TAFA1: variants seen among roughly 807,000 people sequenced by gnomAD.
TAFA1 encodes the protein TAFA chemokine like family member 1.
TAFA1 carries 4 observed loss-of-function variants against 18.5 expected under a neutral mutation model. The ratio of observed to expected loss-of-function variants is 0.22; its 90% CI spans 0.11 to 0.49. The LOEUF (loss-of-function observed/expected upper bound fraction) is 0.49, where lower values mean the gene tolerates loss of function less well. Among genes scored for constraint, TAFA1 ranks in the 20% least tolerant of loss-of-function variants. The pLI is 0.98. For synonymous variants in TAFA1, 56 were observed against 55.2 expected, an observed-to-expected ratio of 1.01 and a Z score of -0.06; for missense variants, 147 against 169.0, an observed-to-expected ratio of 0.87 and a Z score of 0.72.
intron 4 of TAFA1, among the ~76,000 whole-genome samples, chr3:68,543,445 A>G (rs2073409782): frequency 6.6e-6 from 1 of 152,136 alleles, no homozygotes; most frequent in Non-Finnish European, 1.5e-5. Flanking sequence ...TAGTGAGAAA[A>G]TCAACAGTTA....
At chr3:68,439,241 C>T (rs1176771018) in intron 3 of TAFA1, among the ~76,000 whole-genome samples, 1 of 151,210 alleles carries the variant, frequency 6.6e-6, no homozygotes, top group African/African-American at 2.4e-5. Flanking sequence ...TTATTCTTTT[C>T]CTCCCAAATC....
At chr3:68,419,202 T>C (rs1452369429) in intron 3 of TAFA1, among the ~76,000 whole-genome samples, 2 of 152,184 alleles carry the variant, frequency 1.3e-5, no homozygotes, top group Non-Finnish European at 2.9e-5. Context: ...TTCCACAATA[T>C]CCTACAGGTT....
At chr3:68,088,690 AAAC>A (rs143282555) in intron 2 of TAFA1, among the ~76,000 whole-genome samples, 12 of 152,346 alleles carry the variant, frequency 7.9e-5, no homozygotes, top group Non-Finnish European at 1.8e-4. Flanking sequence ...AGGGATGGCA[AAAC>A]AACAAATACA....
At chr3:68,032,932 C>G (rs1051792889) in intron 2 of TAFA1, among the ~76,000 whole-genome samples, 2 of 152,258 alleles carry the variant, frequency 1.3e-5, no homozygotes, top group Non-Finnish European at 2.9e-5. Context: ...CAACTTGTTT[C>G]TTCTCGTCAC....
At chr3:68,400,241 G>A (rs1252356711) in intron 2 of TAFA1, among the ~76,000 whole-genome samples, 2 of 152,154 alleles carry the variant, frequency 1.3e-5, no homozygotes, top group Non-Finnish European at 1.5e-5. Context: ...GAGGGAATGA[G>A]ACATAGGCAA....
chr3:68,458,511 T>G (rs2071708739), intron 3 of TAFA1, among the ~76,000 whole-genome samples: 1 of 152,168 alleles, frequency 6.6e-6, no homozygotes, highest in Admixed American at 6.5e-5. Flanking sequence ...TTATAATTTC[T>G]AAGAGGGCTC....
chr3:68,186,910 G>A (rs2107001535), intron 2 of TAFA1, among the ~76,000 whole-genome samples: 1 of 151,830 alleles, frequency 6.6e-6, no homozygotes, highest in East Asian at 1.9e-4. Flanking sequence ...TGATTCTTCT[G>A]AAAATCATCT....
intron 2 of TAFA1, among the ~76,000 whole-genome samples, chr3:68,008,032 G>GGGT (rs990913103): frequency 6.6e-5 from 10 of 152,236 alleles, no homozygotes; most frequent in African/African-American, 2.4e-4. Context: ...CCGGGAGAAG[G>GGGT]GGTGGGGCTG....
intron 2 of TAFA1, among the ~76,000 whole-genome samples, chr3:68,365,315 G>A (rs1422223723): frequency 1.3e-5 from 2 of 151,986 alleles, no homozygotes. Flanking sequence ...CCATTTTCTG[G>A]CCGCTCTACC....
rs183279981 is a variant in TAFA1, at chr3:68,440,207, C to T, written c.259+22787C>T. ...CTGATGGCTTTAAAAACAGAAGTTT[C>T]CCTGCACGAACTCTCTTCTATTGTC... On this transcript the variant is annotated intron_variant, in intron 3 of 4. Coordinates refer to ENST00000478136, the MANE Select transcript of TAFA1 (RefSeq NM_213609.4). 4.6e-5 allele frequency among the ~76,000 whole-genome samples: 7 copies of T among 152,246 alleles called. No individual in the cohort carries two copies. The South Asian group carries it at 1.2e-3, about 27-fold the overall frequency.
At chr3:68,475,822 T>C (rs1315438175) in intron 3 of TAFA1, among the ~76,000 whole-genome samples, 2 of 152,114 alleles carry the variant, frequency 1.3e-5, no homozygotes, top group Admixed American at 6.5e-5. Flanking sequence ...CCAGCACCTG[T>C]TGTTTCCTGA....
intron 2 of TAFA1, among the ~76,000 whole-genome samples, chr3:68,298,089 T>G (rs2068242181): frequency 1.3e-5 from 2 of 152,226 alleles, no homozygotes; most frequent in Non-Finnish European, 2.9e-5. Context: ...TAGTTCTTTT[T>G]CATCCATTAG....
chr3:68,200,857 T>G (rs757633103), intron 2 of TAFA1, among the ~76,000 whole-genome samples: 4 of 151,680 alleles, frequency 2.6e-5, no homozygotes, highest in Non-Finnish European at 4.4e-5. Flanking sequence ...ATGTTATTGA[T>G]TTCTGCTTTA....
At chr3:68,322,669 C>A (rs981501513) in intron 2 of TAFA1, among the ~76,000 whole-genome samples, 2 of 152,018 alleles carry the variant, frequency 1.3e-5, no homozygotes, top group Non-Finnish European at 2.9e-5. Flanking sequence ...TAGTCAGGGG[C>A]CGGGCGCTCA....
chr3:68,390,946 T>A (rs139472550), intron 2 of TAFA1, among the ~76,000 whole-genome samples: 202 of 152,126 alleles, frequency 1.3e-3, no homozygotes, highest in African/African-American at 4.5e-3. Context: ...CCAGAACACC[T>A]CTTTTCTTCC....
intron 2 of TAFA1, among the ~76,000 whole-genome samples, chr3:68,213,129 A>G (rs942953465): frequency 6.6e-6 from 1 of 151,922 alleles, no homozygotes; most frequent in African/African-American, 2.4e-5. Context: ...CTGTTGGATG[A>G]TATAATCGGT....
intron 2 of TAFA1, among the ~76,000 whole-genome samples, chr3:68,321,235 C>A (rs575318837): frequency 1.9e-4 from 29 of 152,222 alleles, no homozygotes; most frequent in African/African-American, 6.7e-4. Context: ...ACATGGGAAA[C>A]CCTCTGTAAC....
intron 3 of TAFA1, among the ~76,000 whole-genome samples, chr3:68,520,089 GT>G (rs936809202): frequency 2.0e-4 from 30 of 151,884 alleles, no homozygotes; most frequent in African/African-American, 5.8e-4. Context: ...ACTGGTGATT[GT>G]TTTTTTTCTT....
intron 2 of TAFA1, among the ~76,000 whole-genome samples, chr3:68,376,450 A>G (rs1295009288): frequency 2.6e-5 from 4 of 151,720 alleles, no homozygotes. Context: ...TGTTCCCCTC[A>G]TTGTGTCCAT....
Sources: allele counts gnomAD v4.1 joint callset (sites outside exome capture counted in the v4.1 genomes callset), GRCh38; gene constraint gnomAD v4.1.1; transcripts MANE v1.5; gene names NCBI Gene and HGNC (gene_info 2026-07-23, HGNC 2026-07-21).